CERK: variants seen among roughly 807,000 people sequenced by gnomAD.
The protein encoded by CERK is ceramide kinase.
A neutral mutation model predicts 63.4 loss-of-function variants in CERK; 39 were observed. The ratio of observed to expected loss-of-function variants is 0.61; its 90% CI spans 0.48 to 0.80. The LOEUF (loss-of-function observed/expected upper bound fraction) is 0.80. CERK is among the 30% of genes least tolerant of loss of function. The pLI is 0.00. For missense variants in CERK, 670 were observed against 714.1 expected (o/e 0.94, Z 0.70); for synonymous variants, 302 against 280.0 (o/e 1.08, Z -0.78).
At chr22:46,687,728 G>C (rs760917149) in intron 12 of CERK, among the ~76,000 whole-genome samples, 1 of 152,168 alleles carries the variant, frequency 6.6e-6, no homozygotes, top group Admixed American at 6.5e-5. Context: ...AAGAGCCTTC[G>C]GGCTTGAGGA....
At chr22:46,698,789 T>A (rs1436116126) in intron 8 of CERK, among the ~76,000 whole-genome samples, 1 of 151,748 alleles carries the variant, frequency 6.6e-6, no homozygotes, top group African/African-American at 2.4e-5. Flanking sequence ...TAGTCCCAGC[T>A]ACTCGGGAGG....
At chr22:46,701,937 T>G (rs1224875907) in intron 6 of CERK, among the ~76,000 whole-genome samples, 4 of 152,072 alleles carry the variant, frequency 2.6e-5, no homozygotes, top group Non-Finnish European at 1.5e-5. Context: ...TCCCAGCACT[T>G]TGAGAGGCCG....
chr22:46,723,319 G>A (rs772451767), intron 1 of CERK, among the ~76,000 whole-genome samples: 27 of 152,168 alleles, frequency 1.8e-4, no homozygotes, highest in Non-Finnish European at 2.2e-4. Context: ...ATTGAGGAAC[G>A]TCAAGAATAA....
chr22:46,700,307 C>T (rs2082777366), intron 7 of CERK, among the ~76,000 whole-genome samples: 4 of 152,002 alleles, frequency 2.6e-5, no homozygotes, highest in South Asian at 4.1e-4. Flanking sequence ...GCAGGAGAAT[C>T]GCTTGAACCC....
chr22:46,726,813 G>T (rs1324933209), intron 1 of CERK, among the ~76,000 whole-genome samples: 1 of 146,184 alleles, frequency 6.8e-6, no homozygotes, highest in Non-Finnish European at 1.5e-5. Flanking sequence ...AGCCCTTGAT[G>T]GGTCTGATAC....
chr22:46,723,273 T>C (rs1028217443), intron 1 of CERK, among the ~76,000 whole-genome samples: 4 of 152,158 alleles, frequency 2.6e-5, no homozygotes. Flanking sequence ...GAAAAGTTAA[T>C]AGAGGAACAA....
intron 3 of CERK, among the ~76,000 whole-genome samples, chr22:46,716,505 TA>T (rs561393380): frequency 1.4e-3 from 195 of 143,004 alleles, no homozygotes; most frequent in Middle Eastern, 3.5e-3. Context: ...CCCCGTCTCT[TA>T]AAAAAAAAAA....
At position 46,707,863 on chromosome 22, in the gene CERK, C is replaced by G; in HGVS notation, c.695G>C (p.Arg232Pro). ...PRAVLVPSSL[R>P]IGIIPAGSTD... Reference sequence around the variant, plus strand: ...CATACCTGCGGGAATGATTCCAATCCGGAGGCTACTGGGGACCAGCACAGC... The same window carrying G: ...CATACCTGCGGGAATGATTCCAATCGGGAGGCTACTGGGGACCAGCACAGC... Residue 232 changes from arginine to proline, a missense_variant, in exon 6 of 13, where the codon CGG (arginine) becomes CCG (proline). Arg to Pro is a moderately radical substitution (Grantham distance 103). Transcript: ENST00000216264. 1 of 1,612,066 alleles carries G rather than the reference C, an allele frequency of 6.2e-7. No homozygotes were observed. Among genetic ancestry groups the G allele is most frequent in the South Asian group, 1.1e-5 (1 of 90,934 alleles).
chr22:46,687,076 A>C lies in CERK; in HGVS notation c.*58T>G. ...GTATATATCAACATAATTGGTCTGT[A>C]ATAATTATCTTAAATAGTTTTCACA... is the stretch of plus-strand genomic sequence containing the variant. On this transcript the variant is annotated 3_prime_UTR_variant, in exon 13 of 13. Coordinates refer to ENST00000216264, the MANE Select transcript of CERK (RefSeq NM_022766.6). 1 of 1,380,954 alleles carries C rather than the reference A, an allele frequency of 7.2e-7. No homozygotes were observed. Among genetic ancestry groups the C allele is most frequent in the Non-Finnish European group, 1.0e-6 (1 of 969,810 alleles). The allele number at this position is 1,380,954 out of a possible 1,614,324, so 85.5% of individuals were successfully genotyped here.
chr22:46,707,968 T>C lies in CERK; in HGVS notation c.590A>G (p.Asp197Gly). 6.2e-7 allele frequency: 1 copy of C among 1,610,474 alleles called. No homozygotes were observed. The change falls in exon 6 of 13, where the codon GAT (aspartate) becomes GGT (glycine). Residue 197 changes from aspartate (D) to glycine (G), a missense_variant. Transcript: ENST00000216264. ...GTGCAGCACCTCGCTGAACATACCA[T>C]CTCCGCCGACACAGACGATGCTGCA... ...KYDGIVCVGG[D>G]GMFSEVLHGL...
intron 11 of CERK, 67 bp from the exon 12 acceptor site, chr22:46,690,267 AC>A: frequency 7.5e-7 from 1 of 1,337,550 alleles, no homozygotes; most frequent in Non-Finnish European, 1.0e-6. Flanking sequence ...GCAGCAGAAC[AC>A]CCCAGGCCTG....
At position 46,687,204 on chromosome 22, in the gene CERK, A is replaced by C. The variant is rs141048897; in HGVS notation, c.1544T>G (p.Val515Gly). Residue 515 changes from valine to glycine, a missense_variant and splice_region_variant, in exon 13 of 13, where the codon GTC becomes GGC. Physicochemically the swap from Val to Gly is moderately radical, Grantham distance 109. Coordinates refer to ENST00000216264, the MANE Select transcript of CERK (RefSeq NM_022766.6). ...AAAGAGTCGAACCAGCTGGCAGTGGACTCTGCAGAGACAAGCGGCCACGTG... is the reference window on the plus strand; with the variant it reads ...AAAGAGTCGAACCAGCTGGCAGTGGCCTCTGCAGAGACAAGCGGCCACGTG... Reference protein sequence around the residue: ...VLHSPAIEVRVHCQLVRLFAR... With the variant: ...VLHSPAIEVRGHCQLVRLFAR... The C allele has an allele frequency of 3.1e-6, 5 of 1,613,806 alleles. No individual in the cohort carries two copies. In the African/African-American group the frequency reaches 6.7e-5, roughly 22 times the overall value.
chr22:46,687,934 C>T (rs1170516823), intron 12 of CERK, among the ~76,000 whole-genome samples: 5 of 152,210 alleles, frequency 3.3e-5, no homozygotes, highest in Admixed American at 6.5e-5. Context: ...CAGTGACTCA[C>T]GCCTATAATC....
chr22:46,707,786 G>C (rs1277878938), intron 6 of CERK, 57 bp downstream of exon 6: 1 of 1,554,978 alleles, frequency 6.4e-7, no homozygotes, highest in African/African-American at 1.4e-5. Flanking sequence ...TACTTGTGCA[G>C]AACAATTCCT....
intron 6 of CERK, among the ~76,000 whole-genome samples, chr22:46,703,119 C>T (rs560815779): frequency 9.8e-4 from 149 of 152,256 alleles, no homozygotes; most frequent in African/African-American, 3.4e-3. Flanking sequence ...GGCTAACACC[C>T]GATGAAGGAC....
intron 1 of CERK, among the ~76,000 whole-genome samples, chr22:46,733,750 A>G (rs1230000433): frequency 6.6e-6 from 1 of 151,968 alleles, no homozygotes; most frequent in Non-Finnish European, 1.5e-5. Context: ...ATTTTCTTGT[A>G]AGAATTTACA....
intron 1 of CERK, among the ~76,000 whole-genome samples, chr22:46,727,839 C>T (rs57097335): frequency 3.7e-4 from 53 of 142,068 alleles, no homozygotes; most frequent in African/African-American, 1.2e-3. Flanking sequence ...CCACCCCCCC[C>T]GGCCCTGCCA....
At chr22:46,733,325 G>T (rs971641867) in intron 1 of CERK, among the ~76,000 whole-genome samples, 1 of 149,342 alleles carries the variant, frequency 6.7e-6, no homozygotes, top group African/African-American at 2.5e-5. Flanking sequence ...ATGGAGTCTC[G>T]CCGTGTTGCC....
chr22:46,698,317 C>T (rs575368642), intron 8 of CERK, among the ~76,000 whole-genome samples: 14 of 152,374 alleles, frequency 9.2e-5, no homozygotes, highest in South Asian at 2.1e-4. Flanking sequence ...GCGGCCGAGC[C>T]GCAGGAAGGC....
Sources: gnomAD v4.1 joint callset for allele counts (sites outside exome capture counted in the v4.1 genomes callset) on GRCh38, gnomAD v4.1.1 for gene constraint, MANE v1.5 for transcripts, NCBI Gene and HGNC (gene_info 2026-07-23, HGNC 2026-07-21) for gene names.